Variants in MAP3K3 observed in about 807,000 individuals in gnomAD.
MAP3K3 encodes the protein mitogen-activated protein kinase kinase kinase 3.
Under a neutral mutation model 80.9 loss-of-function variants are expected in MAP3K3, and 12 were observed. The observed-to-expected ratio is 0.15, with a 90% CI of 0.10 to 0.24. The LOEUF (loss-of-function observed/expected upper bound fraction) is 0.24. MAP3K3 is among the 10% of genes least tolerant of loss of function. The pLI is 1.00. For missense variants in MAP3K3, 596 were observed against 834.7 expected (o/e 0.71, Z 3.52); for synonymous variants, 272 against 307.1 (o/e 0.89, Z 1.19).
At chr17:63,643,972 T>A (rs1360145971) in intron 2 of MAP3K3, among the ~76,000 whole-genome samples, 1 of 152,198 alleles carries the variant, frequency 6.6e-6, no homozygotes, top group African/African-American at 2.4e-5. Flanking sequence ...TCCTACCTCT[T>A]CCTTTACAAG....
In MAP3K3 at chr17:63,695,141, T is replaced by C. The variant is rs1392143399; in HGVS notation, c.*1364T>C. The C allele has an allele frequency of 1.3e-5, 2 of 151,122 alleles. No homozygotes were observed. Among genetic ancestry groups the C allele is most frequent in the Non-Finnish European group, 2.9e-5 (2 of 67,876 alleles). 9.4% of individuals were successfully genotyped at this position (151,122 alleles called of 1,614,324 possible). ...CCAGGGATGGGCATCTCCAGGGAGC[T>C]GGGGATTAGTGCCAGGCAGCCCTGC... is the stretch of plus-strand genomic sequence containing the variant. On this transcript the variant is annotated 3_prime_UTR_variant, in exon 16 of 16. Transcript: ENST00000361733. This position sits in a 1 kb window ranked among gnomAD's most constrained non-coding sequence, Gnocchi z 4.1.
rs370379512 is a variant in MAP3K3 at position 63,691,075 on chromosome 17, T to A, written c.1213-27T>A. On this transcript the variant is annotated intron_variant, in intron 12 of 15. Coordinates refer to ENST00000361733, the MANE Select transcript of MAP3K3 (RefSeq NM_002401.5). This position sits in a 1 kb window ranked among gnomAD's most constrained non-coding sequence, Gnocchi z 4.8. The stretch of plus-strand genomic sequence containing the variant: ...CGGGCAGAACTAGGGCCCTGAGAGC[T>A]GAGGCGACCACTGACCCCTCCCCTA... 6 of 1,613,094 alleles carry A rather than the reference T, an allele frequency of 3.7e-6. No individual in the cohort carries two copies. The highest frequency in any genetic ancestry group is 5.1e-6 in the Non-Finnish European group (6 of 1,179,740).
In MAP3K3 at chr17:63,688,383, G is replaced by A. The variant is rs1387639772; in HGVS notation, c.711-144G>A. On this transcript the variant is annotated intron_variant, in intron 8 of 15. Transcript: ENST00000361733. ...GGGAGGGTGGAGAAAGCAGGAGCTGGGCTCAGAAAAGGGCTATTTCCCGCA... is the reference window on the plus strand; with the variant it reads ...GGGAGGGTGGAGAAAGCAGGAGCTGAGCTCAGAAAAGGGCTATTTCCCGCA... 25 of 679,448 alleles carry A rather than the reference G, an allele frequency of 3.7e-5. No individual in the cohort carries two copies. The Admixed American group carries it at 5.3e-4, about 14-fold the overall frequency. The allele number at this position is 679,448 out of a possible 1,614,324, so 42.1% of individuals were successfully genotyped here.
At chr17:63,627,891 C>G (rs560675304) in intron 1 of MAP3K3, among the ~76,000 whole-genome samples, 127 of 150,706 alleles carry the variant, frequency 8.4e-4, no homozygotes, top group African/African-American at 3.0e-3. Context: ...GCCTGTCACT[C>G]TTATTTTCTT....
At position 63,691,461 on chromosome 17, in the gene MAP3K3, G is replaced by C. The variant is rs1017015510; in HGVS notation, c.1344+228G>C. 1.3e-5 allele frequency among the ~76,000 whole-genome samples: 2 copies of C among 152,218 alleles called. No homozygotes were observed. The highest frequency in any genetic ancestry group is 2.9e-5 in the Non-Finnish European group (2 of 68,032). On this transcript the variant is annotated intron_variant, in intron 13 of 15. Transcript: ENST00000361733. This position sits in a 1 kb window ranked among gnomAD's most constrained non-coding sequence, Gnocchi z 4.8. Reference sequence around the variant, plus strand: ...TGTCCTAGGTCCAGCACTCCCCTGAGGCATGCAGGGCTGGCCCACTGTCCA... The same window carrying C: ...TGTCCTAGGTCCAGCACTCCCCTGACGCATGCAGGGCTGGCCCACTGTCCA...
At position 63,634,101 on chromosome 17, in the gene MAP3K3, G is replaced by T. The variant is rs75988770; in HGVS notation, c.126+1299G>T. ...CCTTATAGTACTGGAGGTATAAACA[G>T]ATAAGGGCCCATTCTTACACTATTT... On this transcript the variant is annotated intron_variant, in intron 2 of 15. Coordinates refer to ENST00000361733, the MANE Select transcript of MAP3K3 (RefSeq NM_002401.5). Among the ~76,000 whole-genome samples, 1,246 of 152,318 alleles carry T rather than the reference G, an allele frequency of 8.2e-3. 21 individuals carry two copies. The highest frequency in any genetic ancestry group is 0.028 in the African/African-American group (1,165 of 41,572).
At chr17:63,628,149 G>C (rs2034141858) in intron 1 of MAP3K3, among the ~76,000 whole-genome samples, 1 of 150,144 alleles carries the variant, frequency 6.7e-6, no homozygotes, top group African/African-American at 2.5e-5. Flanking sequence ...CAGGTGATCT[G>C]CCTGCCTCGG....
chr17:63,626,800 G>T (rs1375500199), intron 1 of MAP3K3, among the ~76,000 whole-genome samples: 1 of 152,224 alleles, frequency 6.6e-6, no homozygotes, highest in Admixed American at 6.5e-5. Flanking sequence ...AGTGCGATCA[G>T]ACGATCTGGT....
At chr17:63,679,902 A>G (rs1330562544) in intron 6 of MAP3K3, among the ~76,000 whole-genome samples, 1 of 152,194 alleles carries the variant, frequency 6.6e-6, no homozygotes, top group Non-Finnish European at 1.5e-5. Context: ...CTAGGGATCT[A>G]TCATCAAGAA....
chr17:63,657,821 G>A lies in MAP3K3; in HGVS notation c.295G>A (p.Asp99Asn). The A allele has an allele frequency of 1.2e-6, 2 of 1,600,060 alleles. No homozygotes were observed. The highest frequency in any genetic ancestry group is 8.5e-7 in the Non-Finnish European group (1 of 1,170,166). ...ELSILLKNQD[D>N]LDKAIDILDR... The stretch of plus-strand genomic sequence containing the variant: ...CTCCATCCTGCTGAAAAACCAAGAT[G>A]ATCTTGATAAAGCAATTGACATTTT... Residue 99 changes from aspartate to asparagine, a missense_variant, in exon 5 of 16, where the codon GAT (aspartate) becomes AAT (asparagine). Coordinates refer to ENST00000361733, the MANE Select transcript of MAP3K3 (RefSeq NM_002401.5).
At chr17:63,687,224 AGC>A (rs1253655239) in intron 8 of MAP3K3, among the ~76,000 whole-genome samples, 2 of 150,432 alleles carry the variant, frequency 1.3e-5, no homozygotes, top group Non-Finnish European at 3.0e-5. Flanking sequence ...AAAAAAAAAA[AGC>A]CAGGCGCGGT....
At position 63,692,545 on chromosome 17, in the gene MAP3K3, G is replaced by A. The variant is rs2035614385; in HGVS notation, c.1652+126G>A. 6.1e-6 allele frequency: 6 copies of A among 983,206 alleles called. No individual in the cohort carries two copies. The highest frequency in any genetic ancestry group is 8.8e-6 in the Non-Finnish European group (6 of 682,466). 60.9% of individuals were successfully genotyped at this position (983,206 alleles called of 1,614,324 possible). A position where few individuals can be genotyped will look rare whatever the true frequency, so the allele number is the denominator to read the frequency against. On this transcript the variant is annotated intron_variant, in intron 15 of 15. Coordinates refer to ENST00000361733, the MANE Select transcript of MAP3K3 (RefSeq NM_002401.5). This position sits in a 1 kb window ranked among gnomAD's most constrained non-coding sequence, Gnocchi z 4.5. ...GTGCCCAGGGCCCAGGCTGCAGTGTGTGCAAGGGTATTATTGGGTGCAGTA... is the reference window on the plus strand; with the variant it reads ...GTGCCCAGGGCCCAGGCTGCAGTGTATGCAAGGGTATTATTGGGTGCAGTA...
intron 6 of MAP3K3, among the ~76,000 whole-genome samples, chr17:63,680,921 A>C (rs2035319094): frequency 6.6e-6 from 1 of 151,982 alleles, no homozygotes. Flanking sequence ...AAATGTAAAA[A>C]TACCTTGTGG....
chr17:63,643,259 C>T (rs1026094139), intron 2 of MAP3K3, among the ~76,000 whole-genome samples: 3 of 151,828 alleles, frequency 2.0e-5, no homozygotes, highest in African/African-American at 7.3e-5. Flanking sequence ...AATCCCAGCA[C>T]TTTGGGAGGC....
Position 63,691,683 on chromosome 17 carries a change from T to C in MAP3K3, c.1345-50T>C. 1 of 1,590,180 alleles carries C rather than the reference T, an allele frequency of 6.3e-7. No individual in the cohort carries two copies. The highest frequency in any genetic ancestry group is 8.6e-7 in the Non-Finnish European group (1 of 1,163,488). ...CTGGGGGCTGGAATGGGCTTGCCCC[T>C]CCACCAGCCCTCCCCTGAGGGGACT... On this transcript the variant is annotated intron_variant, in intron 13 of 15. Coordinates refer to ENST00000361733, the MANE Select transcript of MAP3K3 (RefSeq NM_002401.5). The surrounding 1 kb of genome is among the most constrained non-coding windows in gnomAD (Gnocchi z 4.8).
chr17:63,665,360 T>A (rs1456777730), intron 5 of MAP3K3, among the ~76,000 whole-genome samples: 2 of 151,722 alleles, frequency 1.3e-5, no homozygotes, highest in East Asian at 3.9e-4. Context: ...AGAGACGGGG[T>A]TCCACTGTGC....
intron 7 of MAP3K3, among the ~76,000 whole-genome samples, chr17:63,684,332 T>A (rs890981292): frequency 5.3e-5 from 8 of 152,244 alleles, no homozygotes; most frequent in Admixed American, 1.3e-4. Flanking sequence ...CCATTTTGTC[T>A]TTTTCTGTTA....
In MAP3K3 at chr17:63,657,900, G is replaced by A; in HGVS notation, c.374G>A (p.Arg125Lys). 6.3e-7 allele frequency: 1 copy of A among 1,578,712 alleles called. No homozygotes were observed. The highest frequency in any genetic ancestry group is 8.7e-7 in the Non-Finnish European group (1 of 1,152,438). Residue 125 changes from arginine (R) to lysine (K), a missense_variant, in exon 5 of 16, where the codon AGA becomes AAA. Physicochemically the swap from Arg to Lys is conservative, Grantham distance 26 (BLOSUM62 2). Coordinates refer to ENST00000361733, the MANE Select transcript of MAP3K3 (RefSeq NM_002401.5). The stretch of plus-strand genomic sequence containing the variant: ...AGGATATTGCTGTTGTCCCAGGACA[G>A]AAACCATGTAAGTAGCCCTTGTCAT... Reference protein sequence around the residue: ...SLRILLLSQDRNHNSSSPHSG... With the variant: ...SLRILLLSQDKNHNSSSPHSG...
At chr17:63,679,351 G>A (rs986356097) in intron 6 of MAP3K3, among the ~76,000 whole-genome samples, 6 of 152,168 alleles carry the variant, frequency 3.9e-5, no homozygotes, top group African/African-American at 1.4e-4. Context: ...AGTCTGTCAG[G>A]CCCACCCTCT....
Sources: allele counts gnomAD v4.1 joint callset (sites outside exome capture counted in the v4.1 genomes callset), GRCh38; gene constraint gnomAD v4.1.1; non-coding constraint Gnocchi (gnomAD v3.1); transcripts MANE v1.5; gene names NCBI Gene and HGNC (gene_info 2026-07-23, HGNC 2026-07-21).